The following PDE4B variants were observed in gnomAD, a reference collection of about 807,000 sequenced individuals.
PDE4B encodes phosphodiesterase 4B.
Under a neutral mutation model 82.2 loss-of-function variants are expected in PDE4B, and 20 were observed. The ratio of observed to expected loss-of-function variants is 0.24; its 90% CI spans 0.17 to 0.35. PDE4B has a LOEUF of 0.35. Among genes scored for constraint, PDE4B ranks in the 10% least tolerant of loss-of-function variants. PDE4B has a pLI of 1.00. For synonymous variants in PDE4B, 320 were observed against 318.9 expected (o/e 1.00, Z -0.04); for missense variants, 655 against 907.2 (o/e 0.72, Z 3.57).
chr1:66,069,098 T>C (rs1268686996), intron 3 of PDE4B, among the ~76,000 whole-genome samples: 2 of 152,002 alleles, frequency 1.3e-5, no homozygotes, highest in Non-Finnish European at 2.9e-5. Context: ...GATAAGCCTG[T>C]TTCTGTTCGG....
At chr1:65,950,527 G>C (rs1436605580) in intron 3 of PDE4B, among the ~76,000 whole-genome samples, 1 of 152,056 alleles carries the variant, frequency 6.6e-6, no homozygotes, top group African/African-American at 2.4e-5. Context: ...AAGCAGAATA[G>C]GATGGGGAAA....
intron 1 of PDE4B, among the ~76,000 whole-genome samples, chr1:65,896,461 C>T (rs987692433): frequency 6.6e-6 from 1 of 152,146 alleles, no homozygotes; most frequent in African/African-American, 2.4e-5. Context: ...TGGGTGAGGA[C>T]ATGGCCAAAC....
chr1:66,225,726 T>C (rs1001886109), intron 3 of PDE4B, among the ~76,000 whole-genome samples: 2 of 152,250 alleles, frequency 1.3e-5, no homozygotes, highest in Non-Finnish European at 2.9e-5. Flanking sequence ...AATCACCCTG[T>C]GTTTAACTTT....
At chr1:66,089,348 T>G (rs1644963089) in intron 3 of PDE4B, among the ~76,000 whole-genome samples, 1 of 152,152 alleles carries the variant, frequency 6.6e-6, no homozygotes, top group African/African-American at 2.4e-5. Context: ...TAATACCTTA[T>G]GGTGGCTATC....
intron 3 of PDE4B, among the ~76,000 whole-genome samples, chr1:65,985,191 G>A (rs1650893471): frequency 6.6e-6 from 1 of 152,126 alleles, no homozygotes; most frequent in African/African-American, 2.4e-5. Flanking sequence ...AAGGCTCATA[G>A]TAGTAAAATA....
chr1:65,833,640 G>C (rs1320673033), intron 1 of PDE4B, among the ~76,000 whole-genome samples: 1 of 152,076 alleles, frequency 6.6e-6, no homozygotes, highest in Non-Finnish European at 1.5e-5. Flanking sequence ...TTGATTCTTA[G>C]GCCTCTTCCA....
Position 66,068,122 on chromosome 1 carries a change from G to A in PDE4B, c.281+149287G>A, listed in dbSNP as rs375170063. Among the ~76,000 whole-genome samples, 90 of 146,910 alleles carry A rather than the reference G, an allele frequency of 6.1e-4. 1 individual carries two copies. Among genetic ancestry groups the A allele is most frequent in the African/African-American group, 2.1e-3 (84 of 39,922 alleles). ...AATAAAATTAAAAAAAAAAGACACA[G>A]CAACTAAACGTCAGTGCCTTGGGGG... On this transcript the variant is annotated intron_variant, in intron 3 of 16. Transcript: ENST00000341517.
intron 12 of PDE4B, among the ~76,000 whole-genome samples, chr1:66,364,534 C>A (rs1198524980): frequency 1.3e-5 from 2 of 152,126 alleles, no homozygotes; most frequent in African/African-American, 4.8e-5. Context: ...ACTGGCCATG[C>A]CCTGTCCAGC....
intron 3 of PDE4B, among the ~76,000 whole-genome samples, chr1:66,200,847 T>C (rs1188093383): frequency 6.6e-6 from 1 of 152,186 alleles, no homozygotes; most frequent in African/African-American, 2.4e-5. Flanking sequence ...TTCCTTCTCC[T>C]ACCTAATTGC....
chr1:65,882,926 A>G (rs1039614502), intron 1 of PDE4B, among the ~76,000 whole-genome samples: 2 of 152,196 alleles, frequency 1.3e-5, no homozygotes, highest in African/African-American at 2.4e-5. Context: ...ATTAGAGGCC[A>G]TAAAAGTGGA....
chr1:66,191,917 T>C (rs1557622797), intron 3 of PDE4B, among the ~76,000 whole-genome samples: 1 of 152,124 alleles, frequency 6.6e-6, no homozygotes, highest in Non-Finnish European at 1.5e-5. Context: ...TTGAGAATAG[T>C]ATGGGGGAAA....
intron 3 of PDE4B, among the ~76,000 whole-genome samples, chr1:66,026,520 A>G (rs1414490667): frequency 1.3e-5 from 2 of 152,164 alleles, no homozygotes; most frequent in Admixed American, 6.5e-5. Flanking sequence ...TTTAATCTCT[A>G]TGTTTTGTTG....
At chr1:66,071,289 G>A (rs575761372) in intron 3 of PDE4B, among the ~76,000 whole-genome samples, 1 of 152,062 alleles carries the variant, frequency 6.6e-6, no homozygotes, top group South Asian at 2.1e-4. Context: ...ACATGAAGGA[G>A]TTACTATTAA....
intron 1 of PDE4B, among the ~76,000 whole-genome samples, chr1:65,865,908 T>G (rs559642414): frequency 6.6e-6 from 1 of 150,890 alleles, no homozygotes; most frequent in East Asian, 2.0e-4. Context: ...CCATCCCAAC[T>G]CCACCACCCC....
intron 3 of PDE4B, among the ~76,000 whole-genome samples, chr1:65,978,904 T>G (rs1650548036): frequency 6.6e-6 from 1 of 152,218 alleles, no homozygotes; most frequent in Non-Finnish European, 1.5e-5. Context: ...TAAAATCTGT[T>G]ATAATTATTA....
chr1:65,869,432 T>G (rs1249766510), intron 1 of PDE4B, among the ~76,000 whole-genome samples: 1 of 152,216 alleles, frequency 6.6e-6, no homozygotes. Flanking sequence ...TAGCATTTCC[T>G]GAAAGGATGA....
chr1:65,808,804 C>A (rs1036658741), intron 1 of PDE4B, among the ~76,000 whole-genome samples: 2 of 152,078 alleles, frequency 1.3e-5, no homozygotes, highest in Admixed American at 6.6e-5. Flanking sequence ...AAGGGTAGAA[C>A]CTTTTCAGTT....
chr1:66,182,787 A>G (rs1647097595), intron 3 of PDE4B, among the ~76,000 whole-genome samples: 1 of 152,202 alleles, frequency 6.6e-6, no homozygotes, highest in Non-Finnish European at 1.5e-5. Flanking sequence ...ACAGAAAAAC[A>G]GTGATTCATA....
rs376756821 is a variant in PDE4B, at chr1:66,083,662, G to A, written c.282-163798G>A. 5.3e-5 allele frequency among the ~76,000 whole-genome samples: 8 copies of A among 152,160 alleles called. No individual in the cohort carries two copies. The East Asian group carries it at 1.4e-3, about 26-fold the overall frequency. ...CATTCCATGCCGCTCATTTGACCCA[G>A]AATGTTTTTCTCCTCATTCTATCAA... On this transcript the variant is annotated intron_variant, in intron 3 of 16. Transcript: ENST00000341517.
Sources: gnomAD v4.1 joint callset for allele counts (sites outside exome capture counted in the v4.1 genomes callset) on GRCh38, gnomAD v4.1.1 for gene constraint, MANE v1.5 for transcripts, NCBI Gene and HGNC (gene_info 2026-07-23, HGNC 2026-07-21) for gene names.